Variants in THSD7B observed in about 807,000 individuals in gnomAD.
THSD7B encodes thrombospondin type-1 domain-containing protein 7B.
Under a neutral mutation model 213.6 loss-of-function variants are expected in THSD7B, and 138 were observed. That is an observed-to-expected ratio of 0.65 (90% CI 0.56 to 0.74). The LOEUF (loss-of-function observed/expected upper bound fraction) is 0.74, where lower values mean the gene tolerates loss of function less well. THSD7B is among the 30% of genes least tolerant of loss of function. The pLI, the probability that THSD7B is intolerant of heterozygous loss-of-function variation, is 0.00. For missense variants in THSD7B, 1,931 were observed against 1,991.5 expected (o/e 0.97, Z 0.58); for synonymous variants, 742 against 687.0 (o/e 1.08, Z -1.25).
At chr2:137,178,532 TG>T (rs1212806863) in intron 7 of THSD7B, among the ~76,000 whole-genome samples, 2 of 152,358 alleles carry the variant, frequency 1.3e-5, no homozygotes, top group East Asian at 1.9e-4. Flanking sequence ...AGAAAGTTTT[TG>T]TAGCCAAGTT....
intron 1 of THSD7B, among the ~76,000 whole-genome samples, chr2:136,841,791 T>G (rs1410704917): frequency 6.6e-6 from 1 of 152,110 alleles, no homozygotes; most frequent in Non-Finnish European, 1.5e-5. Context: ...ATCTTCTAGA[T>G]GGTTGCTTAC....
chr2:137,064,628 G>A (rs571949236), intron 3 of THSD7B, among the ~76,000 whole-genome samples: 3 of 151,708 alleles, frequency 2.0e-5, no homozygotes, highest in South Asian at 2.1e-4. Flanking sequence ...TTTTGCAGTC[G>A]TTTCATAGTT....
chr2:137,535,772 G>A (rs1013017503), intron 15 of THSD7B, among the ~76,000 whole-genome samples: 2 of 151,594 alleles, frequency 1.3e-5, no homozygotes, highest in African/African-American at 4.8e-5. Context: ...TTGGAGGACA[G>A]AATGATCAGA....
At chr2:137,345,710 C>A (rs1348190095) in intron 12 of THSD7B, among the ~76,000 whole-genome samples, 2 of 150,882 alleles carry the variant, frequency 1.3e-5, no homozygotes, top group Admixed American at 6.6e-5. Flanking sequence ...AGACTCTAAC[C>A]TAGATAAAAG....
chr2:137,580,017 G>C (rs1681542131), intron 17 of THSD7B, among the ~76,000 whole-genome samples: 2 of 151,762 alleles, frequency 1.3e-5, no homozygotes, highest in African/African-American at 4.8e-5. Flanking sequence ...TAGTTTTTAT[G>C]ATACTAAGTT....
intron 7 of THSD7B, among the ~76,000 whole-genome samples, chr2:137,222,287 G>A (rs188527720): frequency 2.4e-4 from 37 of 152,098 alleles, no homozygotes; most frequent in Middle Eastern, 3.4e-3. Context: ...ATTTTCCAGC[G>A]TCACATTTTG....
At chr2:136,794,858 T>A (rs1005335601) in intron 1 of THSD7B, among the ~76,000 whole-genome samples, 7 of 151,986 alleles carry the variant, frequency 4.6e-5, no homozygotes, top group African/African-American at 1.7e-4. Flanking sequence ...AAAAAAGAAT[T>A]AGGATATCCA....
At chr2:137,237,683 T>G (rs1046553020) in intron 9 of THSD7B, among the ~76,000 whole-genome samples, 1 of 152,170 alleles carries the variant, frequency 6.6e-6, no homozygotes, top group Non-Finnish European at 1.5e-5. Flanking sequence ...TTTTCAGAAG[T>G]TGGGGAGAAC....
intron 14 of THSD7B, among the ~76,000 whole-genome samples, chr2:137,446,323 G>A (rs1187361953): frequency 1.3e-5 from 2 of 152,020 alleles, no homozygotes; most frequent in Admixed American, 1.3e-4. Flanking sequence ...ACCTTATTCG[G>A]AGAACTGTGC....
chr2:137,024,917 A>G (rs1251342383), intron 2 of THSD7B, among the ~76,000 whole-genome samples: 1 of 152,038 alleles, frequency 6.6e-6, no homozygotes, highest in African/African-American at 2.4e-5. Context: ...CATCAACATC[A>G]ACACCACTAT....
At chr2:137,625,982 G>A (rs763093308) in intron 20 of THSD7B, among the ~76,000 whole-genome samples, 3 of 152,204 alleles carry the variant, frequency 2.0e-5, no homozygotes, top group Non-Finnish European at 4.4e-5. Context: ...ACTCTCCAGA[G>A]TGACAGCATG....
chr2:137,618,498 A>G lies in THSD7B; in HGVS notation c.3672A>G (p.Gln1224=), dbSNP rs192264297. ...ATGGCAAGCCAGTCAGCATGGACCA[A>G]TGTGAGCAGGTACTGTGTTTATATT... ...CSDGKPVSMD[Q]CEQHNLEKPQ... The change falls in exon 19 of 28, where the codon CAA becomes CAG. Residue 1224 remains glutamine (Q), a synonymous_variant. Transcript: ENST00000409968. The G allele has an allele frequency of 7.1e-5, 115 of 1,613,748 alleles. 1 individual carries two copies. The East Asian group carries it at 2.0e-3, about 28-fold the overall frequency.
intron 1 of THSD7B, among the ~76,000 whole-genome samples, chr2:136,778,046 G>A (rs1320211918): frequency 1.3e-5 from 2 of 152,154 alleles, no homozygotes; most frequent in Admixed American, 6.5e-5. Context: ...AGAGTGTGGA[G>A]AGAATGAAGG....
At chr2:137,438,691 G>A (rs952204022) in intron 14 of THSD7B, among the ~76,000 whole-genome samples, 5 of 152,036 alleles carry the variant, frequency 3.3e-5, no homozygotes, top group African/African-American at 9.7e-5. Context: ...TCAGCTTGGT[G>A]TGTATCTAAG....
At chr2:137,190,978 G>T (rs1033861746) in intron 7 of THSD7B, among the ~76,000 whole-genome samples, 2 of 152,164 alleles carry the variant, frequency 1.3e-5, no homozygotes, top group Non-Finnish European at 2.9e-5. Context: ...GAGAGACGCT[G>T]CAATTTCACA....
intron 1 of THSD7B, among the ~76,000 whole-genome samples, chr2:136,854,267 T>C (rs1303652458): frequency 4.0e-5 from 1 of 24,878 alleles, no homozygotes; most frequent in Non-Finnish European, 7.3e-5. Flanking sequence ...TATCTGTTTC[T>C]ATATGCATGT....
intron 15 of THSD7B, among the ~76,000 whole-genome samples, chr2:137,503,610 G>A (rs1396159712): frequency 1.3e-5 from 2 of 152,180 alleles, no homozygotes; most frequent in Admixed American, 6.5e-5. Context: ...AAACAGATCT[G>A]CTTTTACATT....
intron 17 of THSD7B, among the ~76,000 whole-genome samples, chr2:137,600,564 C>G (rs1215394756): frequency 6.6e-6 from 1 of 152,056 alleles, no homozygotes; most frequent in Non-Finnish European, 1.5e-5. Flanking sequence ...ATGGCGAAAC[C>G]CTATCTCTGC....
chr2:137,416,021 A>G (rs1686790855), intron 14 of THSD7B, among the ~76,000 whole-genome samples: 2 of 152,218 alleles, frequency 1.3e-5, no homozygotes, highest in Non-Finnish European at 2.9e-5. Flanking sequence ...CAACTGCTGT[A>G]TCCACAACAC....
Sources: gnomAD v4.1 joint callset for allele counts (sites outside exome capture counted in the v4.1 genomes callset) on GRCh38, gnomAD v4.1.1 for gene constraint, MANE v1.5 for transcripts, NCBI Gene and HGNC (gene_info 2026-07-23, HGNC 2026-07-21) for gene names.